Variants in SPATC1 observed in about 807,000 individuals in gnomAD.
SPATC1 encodes spermatogenesis and centriole associated 1, also known as speriolin.
SPATC1 carries 35 observed loss-of-function variants against 36.5 expected under a neutral mutation model. The observed-to-expected ratio is 0.96, with a 90% CI of 0.73 to 1.27. The LOEUF (loss-of-function observed/expected upper bound fraction) is 1.27, where lower values mean the gene tolerates loss of function less well. Ranked by LOEUF, SPATC1 falls within the 50% of genes most tolerant of loss-of-function variation. SPATC1 has a pLI of 0.00. For synonymous variants in SPATC1, 361 were observed against 353.6 expected (o/e 1.02, Z -0.24); for missense variants, 779 against 796.0 (o/e 0.98, Z 0.26).
intron 4 of SPATC1, 149 bp downstream of exon 4, chr8:144,041,520 G>T: frequency 9.5e-7 from 1 of 1,053,784 alleles, no homozygotes; most frequent in Non-Finnish European, 1.3e-6. Flanking sequence ...ACGGCCTGCA[G>T]GTGTTGGGGC....
At chr8:144,026,693 T>C (rs1279460483) in intron 1 of SPATC1, among the ~76,000 whole-genome samples, 1 of 152,222 alleles carries the variant, frequency 6.6e-6, no homozygotes, top group African/African-American at 2.4e-5. Context: ...TTGTATTTCC[T>C]AATGACTAAT....
chr8:144,024,587 T>C (rs1834635804), intron 1 of SPATC1, among the ~76,000 whole-genome samples: 1 of 140,672 alleles, frequency 7.1e-6, no homozygotes, highest in Non-Finnish European at 1.5e-5. Flanking sequence ...TTCCCTAAGG[T>C]CCCTCTTCCC....
chr8:144,031,428 G>A (rs949803721), intron 1 of SPATC1, among the ~76,000 whole-genome samples: 2 of 147,146 alleles, frequency 1.4e-5, no homozygotes, highest in African/African-American at 2.5e-5. Context: ...CTTCTCTCTT[G>A]CTGCTATCAA....
chr8:144,044,909 A>C (rs1835218643), intron 4 of SPATC1, among the ~76,000 whole-genome samples: 2 of 152,188 alleles, frequency 1.3e-5, no homozygotes, highest in South Asian at 4.1e-4. Context: ...AGATCGAACC[A>C]CTGCACTCCA....
upstream of SPATC1, among the ~76,000 whole-genome samples, chr8:144,011,944 A>T (rs1216334474): frequency 6.6e-6 from 1 of 152,196 alleles, no homozygotes; most frequent in Non-Finnish European, 1.5e-5. The surrounding 1 kb of genome is among the most constrained non-coding windows in gnomAD (Gnocchi z 4.5). Flanking sequence ...AAACCCAGGC[A>T]TGTTCAAGAT....
At chr8:144,042,311 A>ATTTTTTTTTTTT (rs1184651892) in intron 4 of SPATC1, among the ~76,000 whole-genome samples, 13 of 23,884 alleles carry the variant, frequency 5.4e-4, no homozygotes, top group Non-Finnish European at 7.6e-4. Flanking sequence ...ATATATATAT[A>ATTTTTTTTTTTT]TTTTTTTTTT....
Position 144,040,473 on chromosome 8 carries a change from G to A in SPATC1, c.766+10G>A, listed in dbSNP as rs1835046541. 1.9e-6 allele frequency: 3 copies of A among 1,572,202 alleles called. No homozygotes were observed. Among genetic ancestry groups the A allele is most frequent in the Admixed American group, 3.7e-5 (2 of 54,504 alleles). On this transcript the variant is annotated intron_variant, in intron 2 of 4. Coordinates refer to ENST00000377470, the MANE Select transcript of SPATC1 (RefSeq NM_198572.3). ...ACTGCCACCACCAAAGGTAACAGGT[G>A]TGGTGGGTGGTGGGTGGCAGAGTGG...
In SPATC1 at chr8:144,039,193, C is replaced by T. The variant is rs553043977; in HGVS notation, c.212-716C>T. 3.0e-4 allele frequency among the ~76,000 whole-genome samples: 45 copies of T among 152,342 alleles called. No individual in the cohort carries two copies. The South Asian group carries it at 3.7e-3, about 13-fold the overall frequency. On this transcript the variant is annotated intron_variant, in intron 1 of 4. Coordinates refer to ENST00000377470, the MANE Select transcript of SPATC1 (RefSeq NM_198572.3). ...CCACCACTACTGCCAGCAGCTGCAT[C>T]CCCGGGGATCAGGGGGCTTCTCCCC...
rs781951007 is a variant in SPATC1 at position 144,041,074 on chromosome 8, C to T, written c.1273C>T (p.Arg425Cys). Residue 425 changes from arginine to cysteine, a missense_variant, in exon 3 of 5, where the codon CGC becomes TGC. By Grantham distance (180) the Arg-to-Cys change is radical. Coordinates refer to ENST00000377470, the MANE Select transcript of SPATC1 (RefSeq NM_198572.3). The part of the protein sequence containing the change: ...MMEVERKLAH[R>C]KTSKFPENPR... ...GGAGGTGGAACGGAAGCTGGCCCACCGCAAGACCAGCAAGTTCCCCGAGAA... is the reference window on the plus strand; with the variant it reads ...GGAGGTGGAACGGAAGCTGGCCCACTGCAAGACCAGCAAGTTCCCCGAGAA... The T allele has an allele frequency of 3.0e-5, 48 of 1,592,048 alleles. No homozygotes were observed. The African/African-American group carries it at 4.7e-4, about 16-fold the overall frequency.
At chr8:144,043,159 A>AT (rs1459499300) in intron 4 of SPATC1, among the ~76,000 whole-genome samples, 1 of 151,358 alleles carries the variant, frequency 6.6e-6, no homozygotes, top group Non-Finnish European at 1.5e-5. Context: ...CACCCGGCTA[A>AT]TTTTTGTATT....
intron 1 of SPATC1, among the ~76,000 whole-genome samples, chr8:144,030,985 A>T (rs1212145830): frequency 6.6e-6 from 1 of 152,300 alleles, no homozygotes; most frequent in African/African-American, 2.4e-5. Flanking sequence ...GTATGTGCAC[A>T]CTAGCATATA....
chr8:144,025,255 T>C (rs1237373961), intron 1 of SPATC1, among the ~76,000 whole-genome samples: 1 of 152,122 alleles, frequency 6.6e-6, no homozygotes, highest in Non-Finnish European at 1.5e-5. Context: ...TCATACTTTC[T>C]CCCCTCACAA....
upstream of SPATC1, among the ~76,000 whole-genome samples, chr8:144,011,910 C>G (rs1180587341): frequency 6.6e-6 from 1 of 152,174 alleles, no homozygotes; most frequent in Non-Finnish European, 1.5e-5. The surrounding 1 kb of genome is among the most constrained non-coding windows in gnomAD (Gnocchi z 4.5). Context: ...CAAGACACAG[C>G]AACCAGGAGA....
intron 1 of SPATC1, among the ~76,000 whole-genome samples, chr8:144,022,626 A>G (rs1219949870): frequency 2.2e-5 from 3 of 134,388 alleles, no homozygotes; most frequent in Non-Finnish European, 4.8e-5. Context: ...TCCCCTCAAG[A>G]CCCTCCCACT....
rs1554756220 is a variant in SPATC1, at chr8:144,042,284, AATATAT to A, written c.1446+936_1446+941del. The stretch of plus-strand genomic sequence containing the variant: ...CAGGTTTACGCCACCACGCCCAGCT[AATATAT>A]ATATATATATATATATATATATTTT... On this transcript the variant is annotated intron_variant, in intron 4 of 4. Transcript: ENST00000377470. 6.4e-3 allele frequency among the ~76,000 whole-genome samples: 232 copies of A among 36,290 alleles called. 5 individuals are homozygous for A. Among genetic ancestry groups the A allele is most frequent in the South Asian group, 0.025 (14 of 564 alleles). The allele number at this position is 36,290 out of a possible 152,430, so 23.8% of individuals were successfully genotyped here.
At position 144,041,043 on chromosome 8, in the gene SPATC1, C is replaced by T. The variant is rs1386747714; in HGVS notation, c.1242C>T (p.Ser414=). 5.0e-6 allele frequency: 8 copies of T among 1,608,394 alleles called. No homozygotes were observed. Among genetic ancestry groups the T allele is most frequent in the Non-Finnish European group, 6.8e-6 (8 of 1,177,870 alleles). ...GCACCACAGAACCGTCGACGAAGAG[C>T]ATGATGGAGGTGGAACGGAAGCTGG... The part of the protein sequence containing the change: ...GPRTTEPSTK[S]MMEVERKLAH... The change falls in exon 3 of 5, where the codon AGC becomes AGT. Residue 414 remains serine, a synonymous_variant. Coordinates refer to ENST00000377470, the MANE Select transcript of SPATC1 (RefSeq NM_198572.3).
chr8:144,042,311 A>ATTTTTTTTT (rs1184651892), intron 4 of SPATC1, among the ~76,000 whole-genome samples: 11 of 23,882 alleles, frequency 4.6e-4, no homozygotes, highest in Admixed American at 7.0e-4. Context: ...ATATATATAT[A>ATTTTTTTTT]TTTTTTTTTT....
chr8:144,014,781 T>C (rs545472146), intron 1 of SPATC1, among the ~76,000 whole-genome samples: 13 of 152,300 alleles, frequency 8.5e-5, no homozygotes, highest in Admixed American at 2.0e-4. Context: ...AGATGTGCAA[T>C]TAAAGCCCTG....
chr8:144,037,232 G>A (rs573440230), intron 1 of SPATC1, among the ~76,000 whole-genome samples: 23 of 148,936 alleles, frequency 1.5e-4, no homozygotes, highest in Non-Finnish European at 2.2e-4. Context: ...CGCCCCGCCC[G>A]GGAGGTGAGG....
Sources: allele counts gnomAD v4.1 joint callset (sites outside exome capture counted in the v4.1 genomes callset), GRCh38; gene constraint gnomAD v4.1.1; non-coding constraint Gnocchi (gnomAD v3.1); transcripts MANE v1.5; gene names NCBI Gene and HGNC (gene_info 2026-07-23, HGNC 2026-07-21).